MAML2: variants seen among roughly 807,000 people sequenced by gnomAD.
MAML2 encodes the protein mastermind like transcriptional coactivator 2, also known as mastermind-like protein 2.
MAML2 carries 22 observed loss-of-function variants against 96.1 expected under a neutral mutation model. That is an observed-to-expected ratio of 0.23 (90% confidence interval 0.16 to 0.33). The LOEUF is 0.33. Among genes scored for constraint, MAML2 ranks in the 10% least tolerant of loss-of-function variants. The pLI is 1.00. For synonymous variants in MAML2, 561 were observed against 521.3 expected (o/e 1.08, Z -1.04); for missense variants, 1,367 against 1,392.4 (o/e 0.98, Z 0.29).
Position 96,343,149 on chromosome 11 carries a change from A to G in MAML2, c.-1254T>C. The G allele has an allele frequency of 2.6e-6, 1 of 390,078 alleles. No individual in the cohort carries two copies. Among genetic ancestry groups the G allele is most frequent in the Non-Finnish European group, 4.5e-6 (1 of 221,218 alleles). The allele number at this position is 390,078 out of a possible 1,614,324, so 24.2% of individuals were successfully genotyped here. On this transcript the variant is annotated 5_prime_UTR_variant, in exon 1 of 5. Transcript: ENST00000524717. ...CGCGCCCGGAGTCACGGCGATACACAGGCTTTCATTGTGCTCCGATAGGAG... is the reference window on the plus strand; with the variant it reads ...CGCGCCCGGAGTCACGGCGATACACGGGCTTTCATTGTGCTCCGATAGGAG...
intron 1 of MAML2, among the ~76,000 whole-genome samples, chr11:96,152,735 C>T (rs936166742): frequency 3.9e-5 from 6 of 152,166 alleles, no homozygotes; most frequent in Non-Finnish European, 8.8e-5. Flanking sequence ...ATACTGTGTT[C>T]ACAGAATGCT....
chr11:96,106,661 C>T (rs1157475958), intron 1 of MAML2, among the ~76,000 whole-genome samples: 1 of 152,204 alleles, frequency 6.6e-6, no homozygotes, highest in Non-Finnish European at 1.5e-5. Flanking sequence ...CTCAGTGAGT[C>T]CCTAATCCTT....
chr11:96,043,300 G>C (rs1355964198), intron 2 of MAML2, among the ~76,000 whole-genome samples: 1 of 152,198 alleles, frequency 6.6e-6, no homozygotes, highest in East Asian at 1.9e-4. Context: ...ACTATGACTA[G>C]AGAGTACAGA....
chr11:96,313,742 G>A (rs1359323429), intron 1 of MAML2, among the ~76,000 whole-genome samples: 1 of 152,094 alleles, frequency 6.6e-6, no homozygotes, highest in Non-Finnish European at 1.5e-5. Flanking sequence ...GTGTTTTTAG[G>A]AAGTGATCTA....
chr11:96,300,088 G>C (rs1863366053), intron 1 of MAML2, among the ~76,000 whole-genome samples: 1 of 152,156 alleles, frequency 6.6e-6, no homozygotes, highest in Non-Finnish European at 1.5e-5. Flanking sequence ...GAAATTGGGA[G>C]GGTGGAAGAG....
intron 1 of MAML2, among the ~76,000 whole-genome samples, chr11:96,125,617 C>T (rs567459849): frequency 2.0e-5 from 3 of 152,162 alleles, no homozygotes; most frequent in African/African-American, 7.2e-5. Flanking sequence ...TCTGCCTGTT[C>T]TCTGCTCTCC....
At chr11:96,178,281 A>G (rs1861426209) in intron 1 of MAML2, among the ~76,000 whole-genome samples, 1 of 152,128 alleles carries the variant, frequency 6.6e-6, no homozygotes, top group Non-Finnish European at 1.5e-5. Flanking sequence ...GTCGGCTGCC[A>G]TGATGAGGAC....
intron 1 of MAML2, among the ~76,000 whole-genome samples, chr11:96,235,121 T>C (rs572582417): frequency 2.4e-4 from 36 of 152,192 alleles, no homozygotes; most frequent in Admixed American, 6.5e-4. Flanking sequence ...CTATGAAAAA[T>C]TGACATTCTC....
intron 1 of MAML2, among the ~76,000 whole-genome samples, chr11:96,321,378 G>A (rs558120569): frequency 4.6e-5 from 7 of 152,290 alleles, no homozygotes; most frequent in Admixed American, 6.5e-5. Context: ...TAAAGCTCCC[G>A]CTTGAAGGCC....
chr11:96,258,275 ATCT>A (rs1303532120), intron 1 of MAML2, among the ~76,000 whole-genome samples: 1 of 152,262 alleles, frequency 6.6e-6, no homozygotes, highest in Non-Finnish European at 1.5e-5. Flanking sequence ...CAATTAATAT[ATCT>A]TGGTACTAAT....
chr11:96,170,095 G>T (rs1188863211), intron 1 of MAML2, among the ~76,000 whole-genome samples: 1 of 152,230 alleles, frequency 6.6e-6, no homozygotes, highest in Non-Finnish European at 1.5e-5. Context: ...TTCAGAGAAT[G>T]CACAGCATCA....
At chr11:96,007,113 C>T (rs1227498796) in intron 2 of MAML2, among the ~76,000 whole-genome samples, 1 of 151,930 alleles carries the variant, frequency 6.6e-6, no homozygotes, top group Non-Finnish European at 1.5e-5. Context: ...AGTGATTCCC[C>T]TGCCTCAGCC....
intron 1 of MAML2, among the ~76,000 whole-genome samples, chr11:96,199,959 C>T (rs479244): frequency 0.68 from 103,535 of 152,034 alleles, 35,449 homozygotes; most frequent in Middle Eastern, 0.76. Context: ...CACCTTCTCG[C>T]TCCACTGGGA....
intron 1 of MAML2, among the ~76,000 whole-genome samples, chr11:96,157,700 C>T (rs897671001): frequency 6.6e-6 from 1 of 152,190 alleles, no homozygotes; most frequent in Non-Finnish European, 1.5e-5. Flanking sequence ...TTAGATATAT[C>T]TAATCCCTAC....
At chr11:96,231,516 C>A (rs1289420796) in intron 1 of MAML2, among the ~76,000 whole-genome samples, 1 of 152,090 alleles carries the variant, frequency 6.6e-6, no homozygotes, top group Non-Finnish European at 1.5e-5. Context: ...ATGAGATGCA[C>A]CCTGAGGACT....
intron 1 of MAML2, among the ~76,000 whole-genome samples, chr11:96,191,225 G>A (rs1861647776): frequency 6.6e-6 from 1 of 152,146 alleles, no homozygotes; most frequent in Non-Finnish European, 1.5e-5. Flanking sequence ...CAGCACTTTG[G>A]GAGGCTGAAG....
intron 1 of MAML2, among the ~76,000 whole-genome samples, chr11:96,193,350 C>G (rs1261342585): frequency 1.3e-5 from 2 of 152,154 alleles, no homozygotes; most frequent in African/African-American, 4.8e-5. Context: ...GCCTGGGCGA[C>G]AGGGCGAGAC....
At position 96,321,565 on chromosome 11, in the gene MAML2, C is replaced by G. The variant is rs1863700532; in HGVS notation, c.513+19818G>C. ...CCATCAGTGCATGTACAAGCTGATG[C>G]TTGGCGTTTGGGATATTATTTGTTC... On this transcript the variant is annotated intron_variant, in intron 1 of 4. Transcript: ENST00000524717. Among the ~76,000 whole-genome samples, 5 of 152,292 alleles carry G rather than the reference C, an allele frequency of 3.3e-5. No homozygotes were observed. The South Asian group carries it at 1.0e-3, about 32-fold the overall frequency.
chr11:96,235,325 G>T (rs1269025676), intron 1 of MAML2, among the ~76,000 whole-genome samples: 1 of 152,176 alleles, frequency 6.6e-6, no homozygotes, highest in East Asian at 1.9e-4. Flanking sequence ...ATTGTCTATG[G>T]CTGCTTTTGG....
Sources: allele counts gnomAD v4.1 joint callset (sites outside exome capture counted in the v4.1 genomes callset), GRCh38; gene constraint gnomAD v4.1.1; transcripts MANE v1.5; gene names NCBI Gene and HGNC (gene_info 2026-07-23, HGNC 2026-07-21).